The following LUZP2 variants were observed in gnomAD, a reference collection of about 807,000 sequenced individuals.
LUZP2 encodes the protein leucine zipper protein 2.
Under a neutral mutation model 51.6 loss-of-function variants are expected in LUZP2, and 52 were observed. The ratio of observed to expected loss-of-function variants is 1.01; its 90% CI spans 0.81 to 1.27. LUZP2 has a LOEUF of 1.27. Among genes scored for constraint, LUZP2 ranks in the 50% most tolerant of loss-of-function variants. The pLI, the probability that LUZP2 is intolerant of heterozygous loss-of-function variation, is 0.00. For synonymous variants in LUZP2, 154 were observed against 137.3 expected (o/e 1.12, Z -0.85); for missense variants, 436 against 395.4 (o/e 1.10, Z -0.87).
chr11:25,005,667 G>T (rs907735401), intron 9 of LUZP2, among the ~76,000 whole-genome samples: 9 of 152,110 alleles, frequency 5.9e-5, no homozygotes, highest in African/African-American at 2.2e-4. Context: ...CCTGGACCCT[G>T]CTGATTGGAA....
chr11:24,938,485 C>T (rs1477608861), intron 7 of LUZP2, among the ~76,000 whole-genome samples: 1 of 152,004 alleles, frequency 6.6e-6, no homozygotes, highest in African/African-American at 2.4e-5. Flanking sequence ...TTTGTTCTAT[C>T]TTGGGCAAAT....
chr11:24,520,287 G>A (rs779933423), intron 1 of LUZP2, among the ~76,000 whole-genome samples: 9 of 152,106 alleles, frequency 5.9e-5, no homozygotes, highest in East Asian at 3.9e-4. Flanking sequence ...GTGTATGACC[G>A]AAAAGCAATA....
chr11:24,999,472 G>T (rs1425013635), intron 9 of LUZP2, among the ~76,000 whole-genome samples: 4 of 150,704 alleles, frequency 2.7e-5, no homozygotes, highest in Non-Finnish European at 5.9e-5. Context: ...AGGAAAAGGA[G>T]AAAAAGAAGA....
rs1427500684 is a variant in LUZP2 at position 24,714,632 on chromosome 11, C to T, written c.63-14537C>T. Among the ~76,000 whole-genome samples the T allele has an allele frequency of 2.6e-5, 4 of 152,292 alleles. No individual in the cohort carries two copies. The East Asian group carries it at 5.8e-4, about 22-fold the overall frequency. On this transcript the variant is annotated intron_variant, in intron 1 of 11. Coordinates refer to ENST00000336930, the MANE Select transcript of LUZP2 (RefSeq NM_001009909.4). ...AACCCCTAACCCATACGTTCATCTACAACAGCAGAAGTATATGCATGGAGT... is the reference window on the plus strand; with the variant it reads ...AACCCCTAACCCATACGTTCATCTATAACAGCAGAAGTATATGCATGGAGT...
intron 7 of LUZP2, among the ~76,000 whole-genome samples, chr11:24,926,795 G>A (rs1185995393): frequency 2.0e-5 from 3 of 151,422 alleles, no homozygotes; most frequent in African/African-American, 4.9e-5. Context: ...TCTACATTTA[G>A]TTCCTTTAAG....
intron 1 of LUZP2, among the ~76,000 whole-genome samples, chr11:24,667,923 C>T (rs1856271271): frequency 6.6e-6 from 1 of 152,118 alleles, no homozygotes; most frequent in Non-Finnish European, 1.5e-5. Context: ...GGGTAATTCA[C>T]ATGATAGATA....
At chr11:24,965,910 C>T (rs964410393) in intron 7 of LUZP2, among the ~76,000 whole-genome samples, 2 of 151,694 alleles carry the variant, frequency 1.3e-5, no homozygotes, top group African/African-American at 4.8e-5. Flanking sequence ...CTCAAAAATT[C>T]TTACTTTGCA....
chr11:25,051,463 G>C (rs1342883164), intron 10 of LUZP2, among the ~76,000 whole-genome samples: 1 of 152,218 alleles, frequency 6.6e-6, no homozygotes, highest in Non-Finnish European at 1.5e-5. Context: ...TCCAAAGGAG[G>C]AGAGAGTCAA....
chr11:24,741,541 T>C (rs1234401399), intron 4 of LUZP2, among the ~76,000 whole-genome samples: 1 of 151,796 alleles, frequency 6.6e-6, no homozygotes, highest in Non-Finnish European at 1.5e-5. Flanking sequence ...GCATCCTATT[T>C]GTAGTCTTTT....
At chr11:24,645,395 A>G (rs1855432957) in intron 1 of LUZP2, among the ~76,000 whole-genome samples, 1 of 152,194 alleles carries the variant, frequency 6.6e-6, no homozygotes, top group Admixed American at 6.6e-5. Flanking sequence ...GTATTGAATT[A>G]TATGGTATTG....
intron 10 of LUZP2, among the ~76,000 whole-genome samples, chr11:25,063,522 A>G (rs1858909907): frequency 6.6e-6 from 1 of 151,882 alleles, no homozygotes; most frequent in Admixed American, 6.6e-5. Flanking sequence ...CAGTAAATGT[A>G]TAGTTTTTGT....
intron 1 of LUZP2, among the ~76,000 whole-genome samples, chr11:24,601,375 G>C (rs771973342): frequency 6.6e-6 from 1 of 151,984 alleles, no homozygotes; most frequent in Non-Finnish European, 1.5e-5. Flanking sequence ...GTTGTTAAAA[G>C]CCACTAAATT....
chr11:24,660,080 C>T (rs1018068472), intron 1 of LUZP2, among the ~76,000 whole-genome samples: 5 of 152,230 alleles, frequency 3.3e-5, no homozygotes, highest in Non-Finnish European at 7.4e-5. Context: ...AGCAGAGACA[C>T]TCTCCTGCCA....
At chr11:24,727,093 T>C (rs1858509701) in intron 1 of LUZP2, among the ~76,000 whole-genome samples, 1 of 151,926 alleles carries the variant, frequency 6.6e-6, no homozygotes, top group Non-Finnish European at 1.5e-5. Flanking sequence ...TATTTGAAAA[T>C]CAAATATGAA....
intron 5 of LUZP2, among the ~76,000 whole-genome samples, chr11:24,896,169 T>C (rs1243937317): frequency 6.6e-6 from 1 of 152,230 alleles, no homozygotes; most frequent in Non-Finnish European, 1.5e-5. Flanking sequence ...CTCCTCGTCC[T>C]AGGCTTCCTC....
chr11:24,563,787 C>T (rs4465365), intron 1 of LUZP2, among the ~76,000 whole-genome samples: 63,451 of 151,810 alleles, frequency 0.42, 13,774 homozygotes, highest in African/African-American at 0.51. Flanking sequence ...TTAAGACAAA[C>T]CGCTCCTGCT....
At chr11:24,904,929 A>G (rs924583104) in intron 5 of LUZP2, among the ~76,000 whole-genome samples, 1 of 152,224 alleles carries the variant, frequency 6.6e-6, no homozygotes, top group African/African-American at 2.4e-5. Flanking sequence ...AAGATATTCC[A>G]TGCAAATGGA....
chr11:24,545,651 G>C (rs1419782739), intron 1 of LUZP2, among the ~76,000 whole-genome samples: 2 of 147,482 alleles, frequency 1.4e-5, no homozygotes, highest in African/African-American at 5.0e-5. Context: ...CTGTGTGTCT[G>C]TTTTTGTTCC....
intron 1 of LUZP2, among the ~76,000 whole-genome samples, chr11:24,508,607 G>A (rs1590116096): frequency 1.3e-5 from 2 of 152,116 alleles, no homozygotes; most frequent in Admixed American, 6.5e-5. Context: ...GTAGAATCAG[G>A]CTGACCTGTG....
Sources: allele counts gnomAD v4.1 joint callset (sites outside exome capture counted in the v4.1 genomes callset), GRCh38; gene constraint gnomAD v4.1.1; transcripts MANE v1.5; gene names NCBI Gene and HGNC (gene_info 2026-07-23, HGNC 2026-07-21).